Variants in USO1 observed in about 807,000 individuals in gnomAD.
USO1 encodes the protein general vesicular transport factor p115.
In USO1, 57 loss-of-function variants were observed where a neutral mutation model predicts 124.5. The observed-to-expected ratio is 0.46, with a 90% CI of 0.37 to 0.57. USO1 has a LOEUF of 0.57. USO1 is among the 20% of genes least tolerant of loss of function. The pLI, the probability that USO1 is intolerant of heterozygous loss-of-function variation, is 0.00. For synonymous variants in USO1, 369 were observed against 362.8 expected (o/e 1.02, Z -0.19); for missense variants, 900 against 1,040.6 (o/e 0.86, Z 1.86).
intron 4 of USO1, chr4:75,767,421 A>G (rs1036976910): frequency 4.5e-6 from 2 of 441,544 alleles, no homozygotes; most frequent in Non-Finnish European, 9.0e-6. Flanking sequence ...TGATACATGT[A>G]TAAACATGCT....
At chr4:75,771,449 C>G (rs1412882501) in intron 7 of USO1, among the ~76,000 whole-genome samples, 1 of 152,168 alleles carries the variant, frequency 6.6e-6, no homozygotes, top group Non-Finnish European at 1.5e-5. Flanking sequence ...TTCATTCTTT[C>G]CTGGCTATCC....
At chr4:75,795,484 T>G (rs1166974120) in intron 13 of USO1, 1 of 647,256 alleles carries the variant, frequency 1.5e-6, no homozygotes, top group Non-Finnish European at 2.8e-6. Context: ...CACTTTTGCG[T>G]GTCAGCCAAT....
intron 17 of USO1, among the ~76,000 whole-genome samples, chr4:75,802,031 G>A (rs1440603922): frequency 6.6e-6 from 1 of 152,152 alleles, no homozygotes; most frequent in East Asian, 1.9e-4. Context: ...GTTGGCTGGT[G>A]TTGATCTCCT....
intron 3 of USO1, among the ~76,000 whole-genome samples, chr4:75,756,623 C>T (rs531623301): frequency 5.9e-4 from 89 of 151,444 alleles, no homozygotes; most frequent in Non-Finnish European, 1.1e-3. Context: ...TCTCCTGCCT[C>T]AGCCTCCTGA....
rs750520286 is a variant in USO1 at position 75,757,589 on chromosome 4, T to A, written c.295+16T>A. 6.8e-7 allele frequency: 1 copy of A among 1,473,310 alleles called. No homozygotes were observed. The highest frequency in any genetic ancestry group is 1.4e-5 in the South Asian group (1 of 71,302). 91.3% of individuals were successfully genotyped at this position (1,473,310 alleles called of 1,614,324 possible). On this transcript the variant is annotated intron_variant, in intron 4 of 23. Coordinates refer to ENST00000514213, the MANE Select transcript of USO1 (RefSeq NM_003715.4). Reference sequence around the variant, plus strand: ...GAAGAAGTAGGTAAGTTTCCAGTTATTTTTACTGTGTTTTCTGTACTTAAA... The same window carrying A: ...GAAGAAGTAGGTAAGTTTCCAGTTAATTTTACTGTGTTTTCTGTACTTAAA...
rs78501782 is a variant in USO1 at position 75,761,796 on chromosome 4, T to A, written c.295+4223T>A. Among the ~76,000 whole-genome samples the A allele has an allele frequency of 7.4e-3, 1,131 of 152,310 alleles. 8 individuals are homozygous for A. Among genetic ancestry groups the A allele is most frequent in the African/African-American group, 0.026 (1,079 of 41,568 alleles). On this transcript the variant is annotated intron_variant, in intron 4 of 23. Transcript: ENST00000514213. ...GGAAATATTCGTATCTAAAGCAGTG[T>A]TTAAAAGGTACATCACAAAGTTGCC... is the stretch of plus-strand genomic sequence containing the variant.
chr4:75,792,017 T>C (rs1174084746), intron 12 of USO1, among the ~76,000 whole-genome samples: 2 of 147,980 alleles, frequency 1.4e-5, no homozygotes, highest in Non-Finnish European at 3.0e-5. Flanking sequence ...AAATCTGAAA[T>C]GCTTCTTTTT....
chr4:75,751,794 C>T (rs1305674858), intron 1 of USO1, among the ~76,000 whole-genome samples: 1 of 151,472 alleles, frequency 6.6e-6, no homozygotes, highest in Non-Finnish European at 1.5e-5. Flanking sequence ...ATCGCATTGT[C>T]GCACTCCAGC....
intron 1 of USO1, among the ~76,000 whole-genome samples, chr4:75,740,283 A>G (rs1048461266): frequency 2.6e-5 from 4 of 152,208 alleles, no homozygotes; most frequent in African/African-American, 9.7e-5. Context: ...TATTTTCTCT[A>G]GGACCAGTGG....
intron 1 of USO1, among the ~76,000 whole-genome samples, chr4:75,739,131 C>T (rs1222574225): frequency 2.0e-5 from 3 of 152,176 alleles, no homozygotes; most frequent in Non-Finnish European, 2.9e-5. Flanking sequence ...AGATTACAGG[C>T]GTGAGCCACT....
At chr4:75,803,127 G>T (rs1290261421) in intron 17 of USO1, among the ~76,000 whole-genome samples, 3 of 144,912 alleles carry the variant, frequency 2.1e-5, no homozygotes, top group Non-Finnish European at 4.6e-5. Context: ...AGAAAGAAAA[G>T]AAAAAAAATG....
intron 7 of USO1, among the ~76,000 whole-genome samples, chr4:75,771,361 A>G (rs1160455237): frequency 6.6e-6 from 1 of 152,148 alleles, no homozygotes; most frequent in East Asian, 1.9e-4. Context: ...TGGCCTCCCA[A>G]GATGCTGGGA....
At chr4:75,725,946 G>GT (rs2149132789) in intron 1 of USO1, among the ~76,000 whole-genome samples, 1 of 152,236 alleles carries the variant, frequency 6.6e-6, no homozygotes, top group South Asian at 2.1e-4. Flanking sequence ...TGCAAGATAG[G>GT]TGAGAGTATT....
chr4:75,736,691 T>C (rs1689647673), intron 1 of USO1, among the ~76,000 whole-genome samples: 1 of 152,234 alleles, frequency 6.6e-6, no homozygotes, highest in African/African-American at 2.4e-5. Context: ...CAGTTACTTT[T>C]GTTAATTACA....
intron 19 of USO1, among the ~76,000 whole-genome samples, chr4:75,806,247 C>A (rs1389957425): frequency 6.6e-6 from 1 of 152,146 alleles, no homozygotes; most frequent in Non-Finnish European, 1.5e-5. Context: ...TGGCCTTGGC[C>A]TCCCAAGGAT....
chr4:75,790,337 G>A, intron 11 of USO1, 99 bp downstream of exon 11: 1 of 1,426,644 alleles, frequency 7.0e-7, no homozygotes, highest in East Asian at 2.5e-5. Flanking sequence ...AAGAAGTTTA[G>A]TTGTATGTTT....
Position 75,774,767 on chromosome 4 carries a change from T to C in USO1, c.647T>C (p.Ile216Thr). The change falls in exon 8 of 24, where the codon ATT becomes ACT. Residue 216 changes from isoleucine to threonine, a missense_variant. Coordinates refer to ENST00000514213, the MANE Select transcript of USO1 (RefSeq NM_003715.4). ...FENAFERLLD[I>T]ISEEGNSDGG... is the part of the protein sequence containing the mutation. Reference sequence around the variant, plus strand: ...AATGCTTTCGAGAGACTACTGGACATTATTTCAGAGGAGGGGAACAGTGAT... The same window carrying C: ...AATGCTTTCGAGAGACTACTGGACACTATTTCAGAGGAGGGGAACAGTGAT... 3 of 1,613,714 alleles carry C rather than the reference T, an allele frequency of 1.9e-6. No homozygotes were observed. The highest frequency in any genetic ancestry group is 2.5e-6 in the Non-Finnish European group (3 of 1,179,736).
At chr4:75,735,702 G>T (rs1720769376) in intron 1 of USO1, among the ~76,000 whole-genome samples, 1 of 151,922 alleles carries the variant, frequency 6.6e-6, no homozygotes, top group Admixed American at 6.6e-5. Flanking sequence ...TAATTTTCTT[G>T]TAGAGACAGG....
intron 9 of USO1, among the ~76,000 whole-genome samples, chr4:75,785,698 A>T (rs1722342863): frequency 6.6e-6 from 1 of 152,092 alleles, no homozygotes; most frequent in African/African-American, 2.4e-5. Context: ...AAGACACTCA[A>T]CTGCTATTAG....
Sources: allele counts gnomAD v4.1 joint callset (sites outside exome capture counted in the v4.1 genomes callset), GRCh38; gene constraint gnomAD v4.1.1; transcripts MANE v1.5; gene names NCBI Gene and HGNC (gene_info 2026-07-23, HGNC 2026-07-21).